DPP10: variants seen among roughly 807,000 people sequenced by gnomAD.
DPP10 encodes the protein dipeptidyl peptidase like 10, also known as inactive dipeptidyl peptidase 10.
In DPP10, 33 loss-of-function variants were observed where a neutral mutation model predicts 120.9. That is an observed-to-expected ratio of 0.27 (90% CI 0.21 to 0.37). The LOEUF (loss-of-function observed/expected upper bound fraction) is 0.37. Ranked by LOEUF, DPP10 falls within the 10% of genes least tolerant of loss-of-function variation. DPP10 has a pLI of 1.00. For missense variants in DPP10, 816 were observed against 942.8 expected (o/e 0.87, Z 1.76); for synonymous variants, 337 against 326.1 (o/e 1.03, Z -0.36).
At chr2:115,517,293 A>C (rs2148863540) in intron 4 of DPP10, among the ~76,000 whole-genome samples, 1 of 152,312 alleles carries the variant, frequency 6.6e-6, no homozygotes, top group East Asian at 1.9e-4. Flanking sequence ...ATTAAAGTGC[A>C]AGTTTAGTAA....
At chr2:114,723,060 G>A (rs1701810449) in intron 1 of DPP10, among the ~76,000 whole-genome samples, 1 of 152,300 alleles carries the variant, frequency 6.6e-6, no homozygotes, top group Admixed American at 6.5e-5. Flanking sequence ...TGAGATGGAG[G>A]TGGGAAGTCA....
Position 114,739,305 on chromosome 2 carries a change from A to G in DPP10, c.60+296467A>G, listed in dbSNP as rs147697239. The stretch of plus-strand genomic sequence containing the variant: ...GAACAAGGCAAGCCATCATTTGTCA[A>G]TTCATATAAATATGATTAATTGTAT... On this transcript the variant is annotated intron_variant, in intron 1 of 25. Coordinates refer to ENST00000410059, the MANE Select transcript of DPP10 (RefSeq NM_020868.6). 5.3e-5 allele frequency among the ~76,000 whole-genome samples: 8 copies of G among 152,270 alleles called. No individual in the cohort carries two copies. In the East Asian group the frequency reaches 1.5e-3, roughly 29 times the overall value.
chr2:114,545,718 G>A (rs1014350314), intron 1 of DPP10, among the ~76,000 whole-genome samples: 1 of 152,136 alleles, frequency 6.6e-6, no homozygotes, highest in African/African-American at 2.4e-5. Context: ...GCCGCTTGTG[G>A]TGTTCATTTA....
intron 4 of DPP10, 99 bp from the exon 5 acceptor site, chr2:115,525,799 T>C (rs754614075): frequency 2.0e-5 from 16 of 813,712 alleles, no homozygotes; most frequent in Non-Finnish European, 2.8e-5. Context: ...GAGAATGCCA[T>C]TTTATAGTGC....
intron 1 of DPP10, among the ~76,000 whole-genome samples, chr2:115,290,924 A>G (rs2105924986): frequency 6.6e-6 from 1 of 152,230 alleles, no homozygotes; most frequent in East Asian, 1.9e-4. Flanking sequence ...ATCCCTGCTA[A>G]TCTACTCATC....
intron 1 of DPP10, among the ~76,000 whole-genome samples, chr2:115,119,652 C>T (rs898980432): frequency 6.6e-6 from 1 of 152,100 alleles, no homozygotes; most frequent in Non-Finnish European, 1.5e-5. Flanking sequence ...AAGTGGTATC[C>T]AGCTAGGTCC....
chr2:115,505,961 C>T (rs948877984), intron 4 of DPP10, among the ~76,000 whole-genome samples: 6 of 151,284 alleles, frequency 4.0e-5, no homozygotes, highest in East Asian at 2.0e-4. Flanking sequence ...TAAATATATA[C>T]AATTATAGTT....
intron 5 of DPP10, among the ~76,000 whole-genome samples, chr2:115,557,248 C>A (rs2080271869): frequency 6.6e-6 from 1 of 151,910 alleles, no homozygotes; most frequent in African/African-American, 2.4e-5. Flanking sequence ...TTATTTTTTT[C>A]TTTTTGCAAC....
intron 1 of DPP10, among the ~76,000 whole-genome samples, chr2:115,275,193 T>C (rs2059861662): frequency 6.6e-6 from 1 of 152,246 alleles, no homozygotes; most frequent in Non-Finnish European, 1.5e-5. Context: ...TGACCTGTAC[T>C]GAAGACGTGA....
At chr2:115,468,682 G>A in intron 3 of DPP10, 1 of 352,726 alleles carries the variant, frequency 2.8e-6, no homozygotes, top group Non-Finnish European at 5.6e-6. Context: ...GGATTAAAAA[G>A]GAAGAGCAGG....
At chr2:114,844,775 A>G (rs1688417695) in intron 1 of DPP10, among the ~76,000 whole-genome samples, 1 of 152,008 alleles carries the variant, frequency 6.6e-6, no homozygotes, top group Non-Finnish European at 1.5e-5. Context: ...TAAATTGAAT[A>G]TTCAAGCAAG....
chr2:114,663,838 A>G (rs1697685746), intron 1 of DPP10, among the ~76,000 whole-genome samples: 2 of 151,986 alleles, frequency 1.3e-5, no homozygotes. Flanking sequence ...TGGAATGGCA[A>G]GAGGATCTTC....
At chr2:115,617,942 C>G (rs1012966607) in intron 5 of DPP10, among the ~76,000 whole-genome samples, 1 of 152,164 alleles carries the variant, frequency 6.6e-6, no homozygotes, top group Non-Finnish European at 1.5e-5. Context: ...TGTGGTCTCT[C>G]TCTCTAATTT....
At chr2:114,656,090 T>C (rs1200014192) in intron 1 of DPP10, among the ~76,000 whole-genome samples, 2 of 152,190 alleles carry the variant, frequency 1.3e-5, no homozygotes, top group African/African-American at 4.8e-5. Flanking sequence ...GTTATTTGCA[T>C]ATTTGTGTCT....
intron 1 of DPP10, among the ~76,000 whole-genome samples, chr2:114,873,692 T>C (rs1229773945): frequency 9.1e-6 from 1 of 109,360 alleles, no homozygotes; most frequent in Admixed American, 1.1e-4. Context: ...TCAGCAGAAC[T>C]TAACAACATT....
At chr2:114,635,758 C>T (rs1695258650) in intron 1 of DPP10, among the ~76,000 whole-genome samples, 3 of 151,746 alleles carry the variant, frequency 2.0e-5, no homozygotes, top group South Asian at 4.2e-4. Context: ...ATATCCATTG[C>T]TACTTACATA....
chr2:114,466,513 T>G (rs1283951301), intron 1 of DPP10, among the ~76,000 whole-genome samples: 1 of 152,156 alleles, frequency 6.6e-6, no homozygotes, highest in Admixed American at 6.5e-5. Context: ...TTTGAATCTG[T>G]CAGAGCTATG....
intron 1 of DPP10, among the ~76,000 whole-genome samples, chr2:114,718,879 G>A (rs1701525667): frequency 6.6e-6 from 1 of 152,140 alleles, no homozygotes; most frequent in African/African-American, 2.4e-5. Context: ...AATGTCACAG[G>A]GGATTTTGTG....
At chr2:114,923,773 C>G (rs950229152) in intron 1 of DPP10, among the ~76,000 whole-genome samples, 1 of 152,028 alleles carries the variant, frequency 6.6e-6, no homozygotes, top group Admixed American at 6.5e-5. Flanking sequence ...GCCTTTTTCA[C>G]TTTCTTGATG....
Sources: allele counts gnomAD v4.1 joint callset (sites outside exome capture counted in the v4.1 genomes callset), GRCh38; gene constraint gnomAD v4.1.1; transcripts MANE v1.5; gene names NCBI Gene and HGNC (gene_info 2026-07-23, HGNC 2026-07-21).